RELN: variants seen among roughly 807,000 people sequenced by gnomAD.
RELN encodes the protein reelin.
A neutral mutation model predicts 427.6 loss-of-function variants in RELN; 108 were observed. The ratio of observed to expected loss-of-function variants is 0.25; its 90% CI spans 0.22 to 0.30. The LOEUF (loss-of-function observed/expected upper bound fraction) is 0.30. Ranked by LOEUF, RELN falls within the 10% of genes least tolerant of loss-of-function variation. RELN has a pLI of 1.00. For synonymous variants in RELN, 1,524 were observed against 1,513.4 expected, an observed-to-expected ratio of 1.01 and a Z score of -0.16; for missense variants, 3,715 against 4,302.8, an observed-to-expected ratio of 0.86 and a Z score of 3.82.
intron 3 of RELN, among the ~76,000 whole-genome samples, chr7:103,818,878 A>G (rs1792947522): frequency 6.6e-6 from 1 of 152,106 alleles, no homozygotes; most frequent in Non-Finnish European, 1.5e-5. Context: ...ACTAAAATTG[A>G]ACACACACAT....
chr7:103,783,179 T>TTTTTAA, intron 3 of RELN, among the ~76,000 whole-genome samples: 1 of 149,506 alleles, frequency 6.7e-6, no homozygotes, highest in Non-Finnish European at 1.5e-5. Flanking sequence ...TTTTTTTTTT[T>TTTTTAA]AAGACAAAGT....
At chr7:103,875,020 A>G (rs1794444719) in intron 2 of RELN, among the ~76,000 whole-genome samples, 1 of 145,684 alleles carries the variant, frequency 6.9e-6, no homozygotes, top group African/African-American at 2.5e-5. Context: ...ATACAGATCA[A>G]TGGAACAGAA....
At chr7:103,552,540 G>A (rs990726030) in intron 40 of RELN, among the ~76,000 whole-genome samples, 2 of 87,426 alleles carry the variant, frequency 2.3e-5, no homozygotes, top group African/African-American at 4.5e-5. Context: ...ATCTCACTTT[G>A]TGCCCAGGCT....
intron 46 of RELN, among the ~76,000 whole-genome samples, chr7:103,527,012 G>T (rs1420923474): frequency 1.3e-5 from 2 of 152,150 alleles, no homozygotes; most frequent in African/African-American, 4.8e-5. Flanking sequence ...TATGTAGTAA[G>T]TGTTACATCA....
intron 50 of RELN, among the ~76,000 whole-genome samples, chr7:103,514,619 A>G (rs1266844039): frequency 6.6e-6 from 1 of 152,124 alleles, no homozygotes; most frequent in Non-Finnish European, 1.5e-5. Flanking sequence ...GGATTGTGCC[A>G]TTGTACTCCA....
chr7:103,825,190 A>G (rs778005010), intron 3 of RELN, among the ~76,000 whole-genome samples: 2 of 152,120 alleles, frequency 1.3e-5, no homozygotes, highest in African/African-American at 2.4e-5. Context: ...TTTCATGCGT[A>G]AGGGCACATT....
At chr7:103,849,392 C>T (rs748876907) in intron 2 of RELN, among the ~76,000 whole-genome samples, 16 of 152,084 alleles carry the variant, frequency 1.1e-4, no homozygotes, top group Admixed American at 4.6e-4. Flanking sequence ...CCTTTTTGAC[C>T]ACTGCCAACA....
intron 17 of RELN, among the ~76,000 whole-genome samples, chr7:103,638,955 C>G (rs1584366831): frequency 6.6e-6 from 1 of 152,192 alleles, no homozygotes; most frequent in Non-Finnish European, 1.5e-5. Context: ...AGAAATGCCA[C>G]TTTCTATTTT....
At position 103,924,982 on chromosome 7, in the gene RELN, G is replaced by GCATACA. The variant is rs71930636; in HGVS notation, c.227-7803_227-7798dup. ...CTCTCTCTGACACACGTGTGCATGC[G>GCATACA]CATACACATACACACACACACACAC... On this transcript the variant is annotated intron_variant, in intron 1 of 64. Transcript: ENST00000428762. Among the ~76,000 whole-genome samples the GCATACA allele has an allele frequency of 1.8e-3, 76 of 42,270 alleles. 2 individuals carry two copies. Among genetic ancestry groups the GCATACA allele is most frequent in the Non-Finnish European group, 1.7e-3 (28 of 16,556 alleles). The allele number at this position is 42,270 out of a possible 152,430, so 27.7% of individuals were successfully genotyped here. A position where few individuals can be genotyped will look rare whatever the true frequency, so the allele number is the denominator to read the frequency against.
intron 28 of RELN, among the ~76,000 whole-genome samples, chr7:103,580,577 TA>T (rs1215292927): frequency 1.3e-5 from 2 of 152,224 alleles, no homozygotes; most frequent in Non-Finnish European, 2.9e-5. Context: ...TTTAATTAAT[TA>T]TTTTTTTTAT....
At chr7:103,935,716 A>C (rs977571769) in intron 1 of RELN, among the ~76,000 whole-genome samples, 1 of 152,196 alleles carries the variant, frequency 6.6e-6, no homozygotes, top group Admixed American at 6.6e-5. Context: ...CAACCTGCCT[A>C]AACCTGAATA....
At chr7:103,550,930 A>G in intron 41 of RELN, 137 bp downstream of exon 41, 1 of 752,268 alleles carries the variant, frequency 1.3e-6, no homozygotes, top group Non-Finnish European at 2.3e-6. Flanking sequence ...CATTTTAAAT[A>G]TCCACTGATC....
intron 2 of RELN, among the ~76,000 whole-genome samples, chr7:103,860,808 A>G (rs1469114656): frequency 6.6e-6 from 1 of 152,220 alleles, no homozygotes; most frequent in East Asian, 1.9e-4. Flanking sequence ...CATTAAAAAG[A>G]TAAATGACTT....
intron 19 of RELN, among the ~76,000 whole-genome samples, chr7:103,632,599 G>C (rs1832493982): frequency 1.3e-5 from 2 of 152,120 alleles, no homozygotes; most frequent in African/African-American, 4.8e-5. Context: ...GCAAGTTATA[G>C]TGGCTGGTTA....
chr7:103,948,309 T>C (rs1796260330), intron 1 of RELN, among the ~76,000 whole-genome samples: 1 of 152,118 alleles, frequency 6.6e-6, no homozygotes, highest in African/African-American at 2.4e-5. Flanking sequence ...ACTTACTTCA[T>C]TATATAATCA....
intron 4 of RELN, among the ~76,000 whole-genome samples, chr7:103,754,325 T>C (rs1353874865): frequency 6.6e-6 from 1 of 152,114 alleles, no homozygotes; most frequent in Non-Finnish European, 1.5e-5. Flanking sequence ...TACTAGAATA[T>C]TTAAAATTGC....
chr7:103,864,107 T>C (rs1378245634), intron 2 of RELN, among the ~76,000 whole-genome samples: 1 of 152,142 alleles, frequency 6.6e-6, no homozygotes, highest in Non-Finnish European at 1.5e-5. Flanking sequence ...GGCAGGTAGA[T>C]AGGATCACTC....
At chr7:103,535,280 T>C in intron 46 of RELN, 36 bp downstream of exon 46, 4 of 1,605,528 alleles carry the variant, frequency 2.5e-6, no homozygotes, top group Non-Finnish European at 3.4e-6. Context: ...TCACTATACG[T>C]AGAAGCATGT....
In RELN at chr7:103,831,567, T is replaced by C. The variant is rs185755706; in HGVS notation, c.473+1970A>G. Among the ~76,000 whole-genome samples, 68 of 152,274 alleles carry C rather than the reference T, an allele frequency of 4.5e-4. 3 individuals carry two copies. Among genetic ancestry groups the C allele is most frequent in the African/African-American group, 1.6e-3 (65 of 41,584 alleles). The stretch of plus-strand genomic sequence containing the variant: ...ACCTTGGCAAGTTTTACAGAAGAGT[T>C]GGCATTTAAAACAGGTCTTGAATAG... On this transcript the variant is annotated intron_variant, in intron 3 of 64. Coordinates refer to ENST00000428762, the MANE Select transcript of RELN (RefSeq NM_005045.4).
Sources: allele counts gnomAD v4.1 joint callset (sites outside exome capture counted in the v4.1 genomes callset), GRCh38; gene constraint gnomAD v4.1.1; transcripts MANE v1.5; gene names NCBI Gene and HGNC (gene_info 2026-07-23, HGNC 2026-07-21).